Variants in GRIK2 observed in about 807,000 individuals in gnomAD.
GRIK2 encodes the protein glutamate ionotropic receptor kainate type subunit 2, also known as glutamate receptor ionotropic, kainate 2.
A neutral mutation model predicts 100.3 loss-of-function variants in GRIK2; 32 were observed. The ratio of observed to expected loss-of-function variants is 0.32; its 90% CI spans 0.24 to 0.43. The LOEUF (loss-of-function observed/expected upper bound fraction) is 0.43. GRIK2 is among the 20% of genes least tolerant of loss of function. The probability of loss-of-function intolerance (pLI) is 1.00; values close to 1 mark genes in which losing one functional copy is unlikely to be tolerated. For synonymous variants in GRIK2, 417 were observed against 389.4 expected, an observed-to-expected ratio of 1.07 and a Z score of -0.83; for missense variants, 843 against 1,114.9, an observed-to-expected ratio of 0.76 and a Z score of 3.47.
chr6:101,849,269 G>T (rs893745826), intron 10 of GRIK2, among the ~76,000 whole-genome samples: 3 of 151,902 alleles, frequency 2.0e-5, no homozygotes, highest in African/African-American at 7.2e-5. Flanking sequence ...CAACGAAAAA[G>T]GGCAGAGGGT....
At chr6:101,509,071 T>A (rs999369471) in intron 2 of GRIK2, among the ~76,000 whole-genome samples, 3 of 145,836 alleles carry the variant, frequency 2.1e-5, no homozygotes, top group African/African-American at 7.7e-5. Context: ...GTCAGGAGAA[T>A]GGCGTCAACC....
intron 10 of GRIK2, among the ~76,000 whole-genome samples, chr6:101,841,918 G>A (rs895989108): frequency 2.6e-5 from 4 of 152,080 alleles, no homozygotes; most frequent in African/African-American, 9.7e-5. Flanking sequence ...TAAGGTCTGC[G>A]AGTTGAATGG....
chr6:102,010,370 C>G (rs1027313060), intron 14 of GRIK2, among the ~76,000 whole-genome samples: 1 of 151,180 alleles, frequency 6.6e-6, no homozygotes, highest in Admixed American at 6.6e-5. Context: ...CCTCCTCCCC[C>G]CACTTCTTCT....
intron 2 of GRIK2, among the ~76,000 whole-genome samples, chr6:101,569,914 A>T (rs1290088055): frequency 6.6e-6 from 1 of 152,168 alleles, no homozygotes; most frequent in Non-Finnish European, 1.5e-5. Context: ...TTAAATAAAT[A>T]GTACATTGAG....
At chr6:101,536,563 C>G (rs189249219) in intron 2 of GRIK2, among the ~76,000 whole-genome samples, 1 of 151,526 alleles carries the variant, frequency 6.6e-6, no homozygotes, top group African/African-American at 2.4e-5. Context: ...CTTTATTTTA[C>G]GTTTTAAGAC....
intron 9 of GRIK2, among the ~76,000 whole-genome samples, chr6:101,813,668 A>C (rs1781468830): frequency 6.6e-6 from 1 of 152,122 alleles, no homozygotes; most frequent in African/African-American, 2.4e-5. Flanking sequence ...CCCCACATTA[A>C]ATTAACTAAA....
intron 2 of GRIK2, among the ~76,000 whole-genome samples, chr6:101,452,838 A>C (rs144431062): frequency 6.6e-6 from 1 of 151,920 alleles, no homozygotes; most frequent in Non-Finnish European, 1.5e-5. Flanking sequence ...TGAGAATACT[A>C]TCTGAATGTT....
chr6:101,570,530 G>A (rs1777480320), intron 2 of GRIK2, among the ~76,000 whole-genome samples: 1 of 152,086 alleles, frequency 6.6e-6, no homozygotes, highest in Non-Finnish European at 1.5e-5. Context: ...GGTCTCCAGT[G>A]AGGGATGTCC....
At chr6:101,435,390 T>A (rs986857206) in intron 2 of GRIK2, among the ~76,000 whole-genome samples, 3 of 151,388 alleles carry the variant, frequency 2.0e-5, no homozygotes, top group African/African-American at 4.8e-5. Flanking sequence ...ACGGTGATTT[T>A]TTTTTTTTTT....
chr6:101,805,933 G>C (rs760247254), intron 9 of GRIK2, among the ~76,000 whole-genome samples: 103 of 151,998 alleles, frequency 6.8e-4, no homozygotes, highest in Non-Finnish European at 1.4e-3. Flanking sequence ...AAGTGTCTGA[G>C]CCTGGAGTGG....
intron 12 of GRIK2, among the ~76,000 whole-genome samples, chr6:101,920,007 T>G (rs1789384898): frequency 6.6e-6 from 1 of 151,862 alleles, no homozygotes; most frequent in Non-Finnish European, 1.5e-5. Context: ...TTAAAAACCT[T>G]GTGCTAAAAA....
At chr6:101,592,588 C>CATAT (rs3056161) in intron 2 of GRIK2, among the ~76,000 whole-genome samples, 3,962 of 101,612 alleles carry the variant, frequency 0.039, 130 homozygotes, top group Middle Eastern at 0.084. Flanking sequence ...ACTAATATCA[C>CATAT]ATATATATAT....
At chr6:101,891,252 C>T (rs111785315) in intron 12 of GRIK2, among the ~76,000 whole-genome samples, 4,608 of 151,694 alleles carry the variant, frequency 0.03, 220 homozygotes, top group African/African-American at 0.11. Flanking sequence ...GGTGTGGTTG[C>T]TCACGCCTGT....
chr6:101,936,003 G>A (rs1790593621), intron 14 of GRIK2, among the ~76,000 whole-genome samples: 1 of 151,952 alleles, frequency 6.6e-6, no homozygotes, highest in African/African-American at 2.4e-5. Flanking sequence ...GGCTGTTTAG[G>A]ACACATAGAA....
At chr6:101,599,824 G>A (rs471149) in intron 2 of GRIK2, among the ~76,000 whole-genome samples, 3,926 of 151,642 alleles carry the variant, frequency 0.026, 171 homozygotes, top group African/African-American at 0.09. Context: ...GGCATATTTT[G>A]TGATTCTTTT....
At position 101,626,572 on chromosome 6, in the gene GRIK2, C is replaced by G. The variant is rs577245133; in HGVS notation, c.476C>G (p.Ala159Gly). ...LYPDFSSLSR[A>G]ILDLVQFFKW... ...CCAGACTTCTCTTCACTCAGCCGTG[C>G]CATTTTAGACCTGGTGCAGTTTTTC... The change falls in exon 4 of 17, where the codon GCC (alanine) becomes GGC (glycine). Residue 159 changes from alanine (A) to glycine (G), a missense_variant. Transcript: ENST00000369134. 6.2e-7 allele frequency: 1 copy of G among 1,613,458 alleles called. No individual in the cohort carries two copies. The highest frequency in any genetic ancestry group is 8.5e-7 in the Non-Finnish European group (1 of 1,179,564).
intron 10 of GRIK2, among the ~76,000 whole-genome samples, chr6:101,850,106 C>T (rs1784048627): frequency 6.6e-6 from 1 of 151,972 alleles, no homozygotes; most frequent in Admixed American, 6.6e-5. Flanking sequence ...GTCCCTGTTT[C>T]TCAAAAACGT....
chr6:101,729,331 TG>T (rs538680311), intron 7 of GRIK2, among the ~76,000 whole-genome samples: 107 of 152,138 alleles, frequency 7.0e-4, no homozygotes, highest in Non-Finnish European at 1.4e-3. Flanking sequence ...TATCAATCTA[TG>T]CATCTACCCA....
At chr6:101,831,817 T>C (rs1782717991) in intron 10 of GRIK2, among the ~76,000 whole-genome samples, 1 of 152,178 alleles carries the variant, frequency 6.6e-6, no homozygotes, top group African/African-American at 2.4e-5. Context: ...TGTCAACTAA[T>C]ATTCTTAAAT....
Sources: gnomAD v4.1 joint callset for allele counts (sites outside exome capture counted in the v4.1 genomes callset) on GRCh38, gnomAD v4.1.1 for gene constraint, MANE v1.5 for transcripts, NCBI Gene and HGNC (gene_info 2026-07-23, HGNC 2026-07-21) for gene names.